Variants in NUDC observed in about 807,000 individuals in gnomAD.
NUDC encodes the protein nuclear migration protein nudC.
A neutral mutation model predicts 45.0 loss-of-function variants in NUDC; 14 were observed. The ratio of observed to expected loss-of-function variants is 0.31; its 90% confidence interval spans 0.21 to 0.49. The LOEUF is 0.49. Among genes scored for constraint, NUDC ranks in the 20% least tolerant of loss-of-function variants. The pLI, the probability that NUDC is intolerant of heterozygous loss-of-function variation, is 0.99. For synonymous variants in NUDC, 153 were observed against 156.7 expected, an observed-to-expected ratio of 0.98 and a Z score of 0.17; for missense variants, 323 against 426.2, an observed-to-expected ratio of 0.76 and a Z score of 2.13.
intron 2 of NUDC, among the ~76,000 whole-genome samples, chr1:26,908,010 C>T (rs917793822): frequency 6.6e-6 from 1 of 152,116 alleles, no homozygotes; most frequent in African/African-American, 2.4e-5. Flanking sequence ...GAAACTCTGT[C>T]TCTACTAAAA....
intron 2 of NUDC, among the ~76,000 whole-genome samples, chr1:26,940,186 C>T (rs909422462): frequency 4.0e-5 from 6 of 150,732 alleles, no homozygotes; most frequent in Non-Finnish European, 5.9e-5. Context: ...CCTATAATCC[C>T]AGCACTTTGA....
At chr1:26,912,169 A>G (rs2082032067) in intron 3 of NUDC, 10 of 1,554,538 alleles carry the variant, frequency 6.4e-6, no homozygotes, top group Non-Finnish European at 7.9e-6. Context: ...GATCTGGGCC[A>G]TCAGAGACAC....
chr1:26,933,949 T>G (rs962575934), intron 2 of NUDC, among the ~76,000 whole-genome samples: 1 of 151,802 alleles, frequency 6.6e-6, no homozygotes, highest in African/African-American at 2.4e-5. Context: ...GGTCAGGAGA[T>G]CAAGAACATC....
chr1:26,914,974 T>A (rs887104217), intron 3 of NUDC, among the ~76,000 whole-genome samples: 1 of 100,948 alleles, frequency 9.9e-6, no homozygotes, highest in African/African-American at 3.2e-5. Context: ...CTCAAAAAAA[T>A]ATATATGTAT....
intron 6 of NUDC, 134 bp downstream of exon 6, chr1:26,943,199 T>A: frequency 1.1e-6 from 1 of 938,028 alleles, no homozygotes; most frequent in Non-Finnish European, 1.7e-6. Context: ...CTCTTTAAAG[T>A]AGATCTGTCT....
In NUDC at chr1:26,941,829, C is replaced by G; in HGVS notation, c.429+11C>G. ...TCCCCAGGGAAGCAGGTGAGATGGA[C>G]TGCAGGGACTTGGGATGAGCCAGGA... On this transcript the variant is annotated intron_variant, in intron 4 of 8. Coordinates refer to ENST00000321265, the MANE Select transcript of NUDC (RefSeq NM_006600.4). 6.2e-7 allele frequency: 1 copy of G among 1,612,300 alleles called. No homozygotes were observed. The highest frequency in any genetic ancestry group is 8.5e-7 in the Non-Finnish European group (1 of 1,179,702).
chr1:26,913,544 C>G (rs2082041265), intron 3 of NUDC: 1 of 1,613,812 alleles, frequency 6.2e-7, no homozygotes, highest in Non-Finnish European at 8.5e-7. Flanking sequence ...GGCAGTTGGC[C>G]ACTGCCTCCA....
At chr1:26,938,070 C>T (rs1206581463) in intron 2 of NUDC, among the ~76,000 whole-genome samples, 4 of 152,212 alleles carry the variant, frequency 2.6e-5, no homozygotes, top group Non-Finnish European at 5.9e-5. Context: ...GGGAGAGTGA[C>T]AGGCTTGGAT....
At chr1:26,904,832 T>A (rs912139032) in intron 2 of NUDC, among the ~76,000 whole-genome samples, 11 of 151,508 alleles carry the variant, frequency 7.3e-5, no homozygotes, top group African/African-American at 2.4e-4. Flanking sequence ...CAGGAGAAAA[T>A]CATACATTAT....
chr1:26,943,580 C>T (rs1301372121), intron 6 of NUDC, among the ~76,000 whole-genome samples: 1 of 152,182 alleles, frequency 6.6e-6, no homozygotes, highest in Non-Finnish European at 1.5e-5. Flanking sequence ...GTCTTAGTTT[C>T]TAAAGCCACT....
At chr1:26,906,405 G>A (rs145039046) in intron 2 of NUDC, among the ~76,000 whole-genome samples, 26 of 152,236 alleles carry the variant, frequency 1.7e-4, no homozygotes, top group African/African-American at 6.3e-4. Flanking sequence ...AGCCGAGATC[G>A]CACCACAGCA....
intron 3 of NUDC, chr1:26,911,445 A>G: frequency 5.8e-6 from 2 of 344,332 alleles, no homozygotes; most frequent in Middle Eastern, 2.1e-3. Flanking sequence ...CCTGGAGGTG[A>G]GACAGTCCCT....
chr1:26,900,493 A>G (rs773880614), intron 1 of NUDC: 9 of 1,490,552 alleles, frequency 6.0e-6, no homozygotes, highest in Admixed American at 3.6e-5. Flanking sequence ...GAACACCGCG[A>G]GCAACGTTCC....
chr1:26,903,797 T>C (rs1054739826), intron 2 of NUDC, among the ~76,000 whole-genome samples: 1 of 151,706 alleles, frequency 6.6e-6, no homozygotes, highest in Non-Finnish European at 1.5e-5. Context: ...GATCACAAGG[T>C]CAGGAGATTG....
At chr1:26,901,490 C>T (rs1040150492) in intron 1 of NUDC, among the ~76,000 whole-genome samples, 19 of 150,700 alleles carry the variant, frequency 1.3e-4, no homozygotes, top group African/African-American at 3.7e-4. Flanking sequence ...CTGCAACCTC[C>T]GCCTCCCGGG....
rs1570705608 is a variant in NUDC at position 26,902,189 on chromosome 1, A to G, written c.-100-93A>G. On this transcript the variant is annotated intron_variant, in intron 1 of 6. Coordinates refer to the NUDC transcript ENST00000435827. Reference sequence around the variant, plus strand: ...TGACAAAGCCAGACACAGACTCCATATTCCAAATCTCCTCATGAAAGCTTT... The same window carrying G: ...TGACAAAGCCAGACACAGACTCCATGTTCCAAATCTCCTCATGAAAGCTTT... 4 of 152,300 alleles carry G rather than the reference A, an allele frequency of 2.6e-5. No homozygotes were observed. The South Asian group carries it at 6.2e-4, about 24-fold the overall frequency. 9.4% of individuals were successfully genotyped at this position (152,300 alleles called of 1,614,324 possible).
intron 2 of NUDC, among the ~76,000 whole-genome samples, chr1:26,932,413 G>A (rs981013431): frequency 5.3e-5 from 8 of 151,670 alleles, no homozygotes; most frequent in African/African-American, 1.2e-4. Flanking sequence ...ACTCCTGACC[G>A]CATGATCCTC....
At chr1:26,900,320 G>C (rs756555990) in exon 1 of NUDC, 1 of 1,614,066 alleles carries the variant, frequency 6.2e-7, no homozygotes. Flanking sequence ...GGAAGCCACC[G>C]CCGCGCTCTT....
At chr1:26,901,394 T>TG (rs2081977917) in intron 1 of NUDC, among the ~76,000 whole-genome samples, 1 of 148,460 alleles carries the variant, frequency 6.7e-6, no homozygotes, top group Non-Finnish European at 1.5e-5. Context: ...CCCGCCTTTT[T>TG]GTCTTTTTTT....
Sources: allele counts gnomAD v4.1 joint callset (sites outside exome capture counted in the v4.1 genomes callset), GRCh38; gene constraint gnomAD v4.1.1; transcripts MANE v1.5; gene names NCBI Gene and HGNC (gene_info 2026-07-23, HGNC 2026-07-21).